ADAMTS2: variants seen among roughly 807,000 people sequenced by gnomAD.
The protein encoded by ADAMTS2 is A disintegrin and metalloproteinase with thrombospondin motifs 2.
ADAMTS2 carries 50 observed loss-of-function variants against 123.0 expected under a neutral mutation model. The observed-to-expected ratio is 0.41, with a 90% CI of 0.32 to 0.51. ADAMTS2 has a LOEUF of 0.51. Among genes scored for constraint, ADAMTS2 ranks in the 20% least tolerant of loss-of-function variants. The pLI, the probability that ADAMTS2 is intolerant of heterozygous loss-of-function variation, is 0.35. For missense variants in ADAMTS2, 1,494 were observed against 1,705.2 expected (o/e 0.88, Z 2.18); for synonymous variants, 678 against 695.4 (o/e 0.98, Z 0.39).
In ADAMTS2 at chr5:179,292,863, G is replaced by T. The variant is rs752579147; in HGVS notation, c.535-19799C>A. Among the ~76,000 whole-genome samples the T allele has an allele frequency of 5.8e-4, 89 of 152,302 alleles. 2 individuals are homozygous for T. The highest frequency in any genetic ancestry group is 3.5e-4 in the Non-Finnish European group (24 of 68,022). Reference sequence around the variant, plus strand: ...GCCCTCCAAGGTACCCCATTTCCAGGCCTCCAGCCCCAGCCCCCCAATAGC... The same window carrying T: ...GCCCTCCAAGGTACCCCATTTCCAGTCCTCCAGCCCCAGCCCCCCAATAGC... On this transcript the variant is annotated intron_variant, in intron 2 of 21. Coordinates refer to ENST00000251582, the MANE Select transcript of ADAMTS2 (RefSeq NM_014244.5).
chr5:179,130,079 T>C lies in ADAMTS2; in HGVS notation c.2310A>G (p.Thr770=), dbSNP rs2113200354. 6.2e-7 allele frequency: 1 copy of C among 1,614,072 alleles called. No homozygotes were observed. Among genetic ancestry groups the C allele is most frequent in the South Asian group, 1.1e-5 (1 of 91,086 alleles). Residue 770 remains threonine, a synonymous_variant, in exon 16 of 22, where the codon ACA becomes ACG. Transcript: ENST00000251582. The surrounding 1 kb of genome is among the most constrained non-coding windows in gnomAD (Gnocchi z 4.3). ...TCTCTTCATTTAAGATGAACTTGCC[T>C]GTCTCCAGGTTCTTGACGGCTGAGA... The part of the protein sequence containing the change: ...SHHLAVKNLE[T]GKFILNEEND...
intron 10 of ADAMTS2, among the ~76,000 whole-genome samples, chr5:179,141,222 A>C (rs1302514634): frequency 2.0e-5 from 3 of 152,196 alleles, no homozygotes; most frequent in African/African-American, 7.2e-5. Context: ...TCTTCTCAGC[A>C]AACCATTCCT....
chr5:179,193,180 G>A (rs1764346009), intron 4 of ADAMTS2, among the ~76,000 whole-genome samples: 1 of 152,168 alleles, frequency 6.6e-6, no homozygotes, highest in Admixed American at 6.5e-5. Context: ...TGTCCTCGCT[G>A]TGCCAAGGCA....
chr5:179,290,021 G>A (rs377314451), intron 2 of ADAMTS2, among the ~76,000 whole-genome samples: 5 of 152,174 alleles, frequency 3.3e-5, no homozygotes, highest in South Asian at 2.1e-4. Context: ...GACATGAGTC[G>A]GAAGACTGAC....
intron 2 of ADAMTS2, among the ~76,000 whole-genome samples, chr5:179,275,478 C>T (rs1011886044): frequency 1.3e-5 from 2 of 152,174 alleles, no homozygotes; most frequent in African/African-American, 4.8e-5. Context: ...TGGAAAGAGA[C>T]TCTGCGGGTG....
At chr5:179,243,201 G>A (rs1368782006) in intron 3 of ADAMTS2, among the ~76,000 whole-genome samples, 1 of 151,666 alleles carries the variant, frequency 6.6e-6, no homozygotes, top group African/African-American at 2.4e-5. Flanking sequence ...ATCTCTTCCA[G>A]GGGGAGAATG....
chr5:179,344,664 C>T (rs1269464954), intron 1 of ADAMTS2, among the ~76,000 whole-genome samples: 3 of 152,220 alleles, frequency 2.0e-5, no homozygotes. Flanking sequence ...GCACGAGCGG[C>T]CTGTCCTGCC....
chr5:179,168,365 G>A (rs1353184410), intron 5 of ADAMTS2, among the ~76,000 whole-genome samples: 1 of 152,190 alleles, frequency 6.6e-6, no homozygotes, highest in Non-Finnish European at 1.5e-5. Context: ...GACCAGCCGG[G>A]ATCACAGAGT....
intron 5 of ADAMTS2, among the ~76,000 whole-genome samples, chr5:179,161,629 C>T (rs1041603685): frequency 1.2e-4 from 19 of 152,094 alleles, no homozygotes; most frequent in African/African-American, 3.6e-4. Flanking sequence ...TGCCGGAAAG[C>T]GCCTGGAATC....
chr5:179,244,794 T>C (rs1765745356), intron 3 of ADAMTS2, among the ~76,000 whole-genome samples: 1 of 152,130 alleles, frequency 6.6e-6, no homozygotes, highest in African/African-American at 2.4e-5. Context: ...AGATGGGAAC[T>C]TGAATCCACC....
At chr5:179,320,911 A>G (rs1401647835) in intron 2 of ADAMTS2, among the ~76,000 whole-genome samples, 2 of 152,186 alleles carry the variant, frequency 1.3e-5, no homozygotes, top group Non-Finnish European at 2.9e-5. Context: ...GCCTCAGAGA[A>G]GAGCAGGCCT....
rs1192811709 is a variant in ADAMTS2 at position 179,180,046 on chromosome 5, A to C, written c.975+1026T>G. On this transcript the variant is annotated intron_variant, in intron 5 of 21. Coordinates refer to ENST00000251582, the MANE Select transcript of ADAMTS2 (RefSeq NM_014244.5). This position sits in a 1 kb window ranked among gnomAD's most constrained non-coding sequence, Gnocchi z 4.6. Reference sequence around the variant, plus strand: ...GCTTACCTGGGCATGTCACTAAGTCACATTAAGCCTCGGTGTTCTTATCTG... The same window carrying C: ...GCTTACCTGGGCATGTCACTAAGTCCCATTAAGCCTCGGTGTTCTTATCTG... Among the ~76,000 whole-genome samples the C allele has an allele frequency of 2.6e-5, 4 of 152,184 alleles. No homozygotes were observed. Among genetic ancestry groups the C allele is most frequent in the Admixed American group, 2.0e-4 (3 of 15,284 alleles).
intron 2 of ADAMTS2, among the ~76,000 whole-genome samples, chr5:179,333,863 G>T (rs1396910445): frequency 6.6e-6 from 1 of 152,118 alleles, no homozygotes; most frequent in African/African-American, 2.4e-5. Context: ...GCCTCCTCAA[G>T]TTACACAGGC....
At chr5:179,178,958 C>T (rs1222212150) in intron 5 of ADAMTS2, among the ~76,000 whole-genome samples, 1 of 152,114 alleles carries the variant, frequency 6.6e-6, no homozygotes, top group African/African-American at 2.4e-5. Flanking sequence ...TACTGCAGTC[C>T]TAATATTCTC....
rs1762600436 is a variant in ADAMTS2 at position 179,113,361 on chromosome 5, G to A, written c.*506C>T. On this transcript the variant is annotated 3_prime_UTR_variant, in exon 22 of 22. Transcript: ENST00000251582. ...GCCACTACGCTCACCCCGGTCAGCC[G>A]CCTGGCCCTGGAAGACGATTTGAGT... 4 of 181,748 alleles carry A rather than the reference G, an allele frequency of 2.2e-5. No homozygotes were observed. The South Asian group carries it at 3.5e-4, about 16-fold the overall frequency. The allele number at this position is 181,748 out of a possible 1,614,324, so 11.3% of individuals were successfully genotyped here. A position where few individuals can be genotyped will look rare whatever the true frequency, so the allele number is the denominator to read the frequency against.
chr5:179,212,411 T>C (rs1237737629), intron 3 of ADAMTS2, among the ~76,000 whole-genome samples: 2 of 124,696 alleles, frequency 1.6e-5, no homozygotes, highest in African/African-American at 3.1e-5. Context: ...AGGTGTGGGC[T>C]CTGAAGGCAG....
chr5:179,176,786 G>T (rs779729538), intron 5 of ADAMTS2, among the ~76,000 whole-genome samples: 2 of 152,216 alleles, frequency 1.3e-5, no homozygotes, highest in Admixed American at 1.3e-4. Flanking sequence ...GGCGGGAGAC[G>T]CAGGTCTGCT....
intron 10 of ADAMTS2, among the ~76,000 whole-genome samples, chr5:179,148,428 G>T (rs10066034): frequency 0.22 from 32,830 of 152,138 alleles, 3,708 homozygotes; most frequent in Non-Finnish European, 0.25. Flanking sequence ...GGTCAGGGTT[G>T]CGGTTCAAAC....
At position 179,256,802 on chromosome 5, in the gene ADAMTS2, T is replaced by C. The variant is rs932846328; in HGVS notation, c.688+16109A>G. Among the ~76,000 whole-genome samples, 1 of 152,254 alleles carries C rather than the reference T, an allele frequency of 6.6e-6. No homozygotes were observed. Among genetic ancestry groups the C allele is most frequent in the Admixed American group, 6.5e-5 (1 of 15,288 alleles). ...GAGATTTTCATGTGAAACCTCCTGA[T>C]TTTTAAGTGTACACTCAACATTTCT... On this transcript the variant is annotated intron_variant, in intron 3 of 21. Transcript: ENST00000251582. This position sits in a 1 kb window ranked among gnomAD's most constrained non-coding sequence, Gnocchi z 4.1.
Sources: gnomAD v4.1 joint callset for allele counts (sites outside exome capture counted in the v4.1 genomes callset) on GRCh38, gnomAD v4.1.1 for gene constraint, Gnocchi (gnomAD v3.1) non-coding constraint, MANE v1.5 for transcripts, NCBI Gene and HGNC (gene_info 2026-07-23, HGNC 2026-07-21) for gene names.